Variants in ANO1 observed in about 807,000 individuals in gnomAD.
ANO1 encodes anoctamin-1.
A neutral mutation model predicts 124.0 loss-of-function variants in ANO1; 59 were observed. That is an observed-to-expected ratio of 0.48 (90% CI 0.39 to 0.59). The LOEUF (loss-of-function observed/expected upper bound fraction) is 0.59. Among genes scored for constraint, ANO1 ranks in the 20% least tolerant of loss-of-function variants. ANO1 has a pLI of 0.00. For synonymous variants in ANO1, 529 were observed against 532.0 expected (o/e 0.99, Z 0.08); for missense variants, 1,059 against 1,328.0 (o/e 0.80, Z 3.15).
Position 70,188,897 on chromosome 11 carries a change from A to G in ANO1, c.*893A>G, listed in dbSNP as rs1328560150. The G allele has an allele frequency of 7.0e-6, 1 of 143,236 alleles. No individual in the cohort carries two copies. Among genetic ancestry groups the G allele is most frequent in the Admixed American group, 7.0e-5 (1 of 14,222 alleles). 8.9% of individuals were successfully genotyped at this position (143,236 alleles called of 1,614,324 possible). ...TTAGAATATTTATGGGTTTTTTTTCAAATATCAATTATATGGTAGATTGAG... is the reference window on the plus strand; with the variant it reads ...TTAGAATATTTATGGGTTTTTTTTCGAATATCAATTATATGGTAGATTGAG... On this transcript the variant is annotated 3_prime_UTR_variant, in exon 26 of 26. Transcript: ENST00000355303.
rs1437345007 is a variant in ANO1, at chr11:70,185,587, C to A, written c.2589-3C>A. 1 of 1,612,306 alleles carries A rather than the reference C, an allele frequency of 6.2e-7. No homozygotes were observed. Among genetic ancestry groups the A allele is most frequent in the Non-Finnish European group, 8.5e-7 (1 of 1,178,736 alleles). On this transcript the variant is annotated splice_polypyrimidine_tract_variant and splice_region_variant and intron_variant, in intron 24 of 25. Transcript: ENST00000355303. ...CCCTCGACTCCACCACGGTCTTTTGCAGGTATAAAGACTACCGAGAGCCGC... is the reference window on the plus strand; with the variant it reads ...CCCTCGACTCCACCACGGTCTTTTGAAGGTATAAAGACTACCGAGAGCCGC...
At position 70,099,102 on chromosome 11, in the gene ANO1, C is replaced by T. The variant is rs144730943; in HGVS notation, c.442-3964C>T. ...GATGGGGCCTCACCACCCCCACGGC[C>T]GTGGCTCTCGACAAAGTAGGTTCAT... On this transcript the variant is annotated intron_variant, in intron 2 of 25. Coordinates refer to ENST00000355303, the MANE Select transcript of ANO1 (RefSeq NM_018043.7). Among the ~76,000 whole-genome samples the T allele has an allele frequency of 2.7e-3, 407 of 152,214 alleles. 1 individual carries two copies. The highest frequency in any genetic ancestry group is 9.5e-3 in the African/African-American group (395 of 41,524).
intron 22 of ANO1, among the ~76,000 whole-genome samples, chr11:70,171,394 G>C (rs2048468966): frequency 6.6e-6 from 1 of 152,076 alleles, no homozygotes; most frequent in Non-Finnish European, 1.5e-5. Context: ...GACCCCCAGA[G>C]CCAGGGCAAG....
chr11:70,042,728 G>A (rs1036821131), intron 1 of ANO1, among the ~76,000 whole-genome samples: 7 of 152,196 alleles, frequency 4.6e-5, no homozygotes, highest in African/African-American at 1.2e-4. Context: ...GGTCTCACCA[G>A]CTGAGGTGAA....
At chr11:70,068,523 G>A (rs2135131455) in intron 1 of ANO1, among the ~76,000 whole-genome samples, 1 of 152,346 alleles carries the variant, frequency 6.6e-6, no homozygotes, top group East Asian at 1.9e-4. Flanking sequence ...GGGAAGCAGT[G>A]GAAGGGGCTG....
intron 1 of ANO1, among the ~76,000 whole-genome samples, chr11:69,995,434 G>C (rs1054468935): frequency 6.6e-6 from 1 of 152,104 alleles, no homozygotes. Flanking sequence ...AGTGTATGCA[G>C]ATGTCCTTGG....
intron 1 of ANO1, chr11:70,085,518 G>A (rs12290914): frequency 0.14 from 210,741 of 1,535,970 alleles, 15,858 homozygotes; most frequent in African/African-American, 0.26. Context: ...GCCGGCACCA[G>A]ATGCTGACCA....
At chr11:70,037,107 A>G (rs1308077642) in intron 1 of ANO1, among the ~76,000 whole-genome samples, 1 of 152,034 alleles carries the variant, frequency 6.6e-6, no homozygotes, top group African/African-American at 2.4e-5. Context: ...CTTCCCTAAC[A>G]CAGAAGTCCC....
chr11:70,085,472 T>C (rs1351708719), intron 1 of ANO1: 1 of 1,535,960 alleles, frequency 6.5e-7, no homozygotes, highest in South Asian at 1.2e-5. Context: ...CCTGTGTTAC[T>C]GTAGAGAGAA....
chr11:70,128,639 C>G (rs1309668019), intron 10 of ANO1, among the ~76,000 whole-genome samples: 1 of 152,208 alleles, frequency 6.6e-6, no homozygotes, highest in East Asian at 1.9e-4. Flanking sequence ...GCGGGAGGTG[C>G]GTGCTCCCTG....
At chr11:70,070,805 C>A (rs543219372) in intron 1 of ANO1, among the ~76,000 whole-genome samples, 3 of 152,152 alleles carry the variant, frequency 2.0e-5, no homozygotes, top group Non-Finnish European at 4.4e-5. Context: ...CTGAATGAAC[C>A]CCTCACTCTA....
intron 1 of ANO1, among the ~76,000 whole-genome samples, chr11:70,019,576 AGT>A (rs1435054302): frequency 1.3e-5 from 2 of 151,506 alleles, no homozygotes; most frequent in Non-Finnish European, 2.9e-5. Context: ...TATCTTCCCA[AGT>A]ATGCATTCAG....
the ANO1 span, among the ~76,000 whole-genome samples, chr11:69,966,250 C>T: frequency 2.7e-3 from 410 of 152,294 alleles, 9 homozygotes; most frequent in Admixed American, 0.025. Flanking sequence ...GGCACTGACC[C>T]TGGCTGTCCA....
Position 70,130,516 on chromosome 11 carries a change from T to G in ANO1, c.1098-1403T>G, listed in dbSNP as rs542611799. Among the ~76,000 whole-genome samples the G allele has an allele frequency of 9.2e-5, 14 of 152,298 alleles. No individual in the cohort carries two copies. In the South Asian group the frequency reaches 2.9e-3, roughly 32 times the overall value. Reference sequence around the variant, plus strand: ...GCTCTGGGATTGCAACAGTCCCCAGTGCTGGTCCAAGTGAGGTGGAACATC... The same window carrying G: ...GCTCTGGGATTGCAACAGTCCCCAGGGCTGGTCCAAGTGAGGTGGAACATC... On this transcript the variant is annotated intron_variant, in intron 10 of 25. Coordinates refer to ENST00000355303, the MANE Select transcript of ANO1 (RefSeq NM_018043.7).
chr11:70,150,221 C>G (rs187386564), intron 12 of ANO1, among the ~76,000 whole-genome samples: 2 of 152,310 alleles, frequency 1.3e-5, no homozygotes, highest in African/African-American at 4.8e-5. Flanking sequence ...AACCCACGTT[C>G]CCTGGAGCCA....
chr11:70,111,082 C>T (rs1252107316), intron 6 of ANO1: 3 of 451,900 alleles, frequency 6.6e-6, no homozygotes. Flanking sequence ...TAGCTTTGAT[C>T]CTGTCAGGCC....
In ANO1 at chr11:70,103,996, C is replaced by T. The variant is rs761624051; in HGVS notation, c.541-3C>T. ...GCTCCCCGGTCCCTTGTCTTATCTG[C>T]AGATGTACCACATTAATGAGACCCG... On this transcript the variant is annotated splice_polypyrimidine_tract_variant and splice_region_variant and intron_variant, in intron 3 of 25. Coordinates refer to ENST00000355303, the MANE Select transcript of ANO1 (RefSeq NM_018043.7). 32 of 1,611,276 alleles carry T rather than the reference C, an allele frequency of 2.0e-5. No individual in the cohort carries two copies. The highest frequency in any genetic ancestry group is 1.7e-4 in the Middle Eastern group (1 of 6,058).
intron 1 of ANO1, among the ~76,000 whole-genome samples, chr11:70,022,298 T>A (rs1270964318): frequency 6.6e-6 from 1 of 152,112 alleles, no homozygotes; most frequent in Admixed American, 6.5e-5. Flanking sequence ...AGGTGCTCAA[T>A]AAGGACTTAC....
At chr11:70,140,254 G>T (rs1280341804) in intron 11 of ANO1, among the ~76,000 whole-genome samples, 2 of 152,168 alleles carry the variant, frequency 1.3e-5, no homozygotes, top group Admixed American at 6.5e-5. Flanking sequence ...GAGTGGCCGG[G>T]CTCAGTGACT....
Sources: gnomAD v4.1 joint callset for allele counts (sites outside exome capture counted in the v4.1 genomes callset) on GRCh38, gnomAD v4.1.1 for gene constraint, MANE v1.5 for transcripts, NCBI Gene and HGNC (gene_info 2026-07-23, HGNC 2026-07-21) for gene names.